EIF4E2: variants seen among roughly 807,000 people sequenced by gnomAD.
EIF4E2 encodes eukaryotic translation initiation factor 4E type 2.
EIF4E2 carries 13 observed loss-of-function variants against 34.2 expected under a neutral mutation model. The observed-to-expected ratio is 0.38, with a 90% CI of 0.25 to 0.60. EIF4E2 has a LOEUF of 0.60. Among genes scored for constraint, EIF4E2 ranks in the 20% least tolerant of loss-of-function variants. EIF4E2 has a pLI of 0.62. For synonymous variants in EIF4E2, 100 were observed against 106.6 expected (o/e 0.94, Z 0.38); for missense variants, 222 against 315.1 (o/e 0.70, Z 2.24).
At chr2:232,561,872 AT>A (rs199712096) in intron 3 of EIF4E2, among the ~76,000 whole-genome samples, 24 of 148,570 alleles carry the variant, frequency 1.6e-4, no homozygotes, top group South Asian at 2.1e-4. Flanking sequence ...GTGAATGCTT[AT>A]TTTTTTTTTT....
chr2:232,557,971 T>C lies in EIF4E2; in HGVS notation c.223T>C (p.Ser75Pro). 6.2e-7 allele frequency: 1 copy of C among 1,614,164 alleles called. No homozygotes were observed. The highest frequency in any genetic ancestry group is 1.3e-5 in the African/African-American group (1 of 75,034). Residue 75 changes from serine to proline, a missense_variant, in exon 3 of 7, where the codon TCA (serine) becomes CCA (proline). Physicochemically the swap from Ser to Pro is moderately conservative, Grantham distance 74. Around this residue, in one of 3 missense-constraint regions of EIF4E2, gnomAD observed 87 missense variants for 93.6 expected, o/e 0.93. Transcript: ENST00000258416. The part of the protein sequence containing the change: ...SRRTPGRPTS[S>P]QSYEQNIKQI... ...GAGAACCCCCGGCCGTCCCACGAGC[T>C]CACAGAGCTATGAACAGAATATCAA...
chr2:232,563,173 TC>T (rs1317339864), intron 3 of EIF4E2, among the ~76,000 whole-genome samples: 1 of 152,222 alleles, frequency 6.6e-6, no homozygotes, highest in Non-Finnish European at 1.5e-5. Context: ...ATTGGAATGT[TC>T]CGTGTTTTCT....
In EIF4E2 at chr2:232,566,162, C is replaced by CT. The variant is rs977784189; in HGVS notation, c.376-659dup. Among the ~76,000 whole-genome samples the CT allele has an allele frequency of 2.6e-5, 4 of 151,004 alleles. No homozygotes were observed. Among genetic ancestry groups the CT allele is most frequent in the African/African-American group, 4.9e-5 (2 of 41,184 alleles). On this transcript the variant is annotated intron_variant, in intron 4 of 6. Transcript: ENST00000258416. This position sits in a 1 kb window ranked among gnomAD's most constrained non-coding sequence, Gnocchi z 4.9. ...ACTTGGTATGTAGTGACAGTCAGTA[C>CT]TTTTTTTTGTCGTCGTTGTTGTTTT...
intron 6 of EIF4E2, chr2:232,567,651 T>TA: frequency 9.5e-7 from 1 of 1,047,300 alleles, no homozygotes; most frequent in Non-Finnish European, 1.1e-6. Context: ...ACTGACTACT[T>TA]ATCAGGAATG....
chr2:232,568,232 A>G, intron 6 of EIF4E2: 1 of 985,438 alleles, frequency 1.0e-6, no homozygotes, highest in Non-Finnish European at 1.2e-6. Flanking sequence ...TGTTCAGCAG[A>G]CAGACCATTT....
intron 6 of EIF4E2, chr2:232,580,879 A>T: frequency 6.5e-7 from 1 of 1,542,176 alleles, no homozygotes; most frequent in Non-Finnish European, 8.7e-7. Context: ...TGAACACTCT[A>T]TTTTCTCCCA....
At chr2:232,582,201 C>T (rs930860223) in exon 7 of EIF4E2, 1 of 152,670 alleles carries the variant, frequency 6.6e-6, no homozygotes, top group Non-Finnish European at 1.5e-5. Context: ...CACCGTCTTA[C>T]TTGGCTCTTG....
At position 232,557,986 on chromosome 2, in the gene EIF4E2, C is replaced by T. The variant is rs912300763; in HGVS notation, c.238C>T (p.Gln80Ter). The stretch of plus-strand genomic sequence containing the variant: ...TCCCACGAGCTCACAGAGCTATGAA[C>T]AGAATATCAAACAGATTGGCACCTT... ...GRPTSSQSYE[Q>*]NIKQIGTFAS... The change falls in exon 3 of 7, where the codon CAG becomes TAG. Residue 80 changes from glutamine to a stop codon, truncating the protein, a stop_gained. Transcript: ENST00000258416. LOFTEE classifies it high-confidence loss of function. 2 of 1,614,068 alleles carry T rather than the reference C, an allele frequency of 1.2e-6. No individual in the cohort carries two copies. The highest frequency in any genetic ancestry group is 1.7e-6 in the Non-Finnish European group (2 of 1,180,044).
intron 6 of EIF4E2, among the ~76,000 whole-genome samples, chr2:232,576,399 C>T (rs1052360349): frequency 1.3e-5 from 2 of 152,146 alleles, no homozygotes; most frequent in Non-Finnish European, 2.9e-5. Flanking sequence ...AACTCCCACC[C>T]CTCTTGGCAG....
chr2:232,575,095 C>T (rs1288816447), intron 6 of EIF4E2, among the ~76,000 whole-genome samples: 5 of 152,204 alleles, frequency 3.3e-5, no homozygotes, highest in Non-Finnish European at 7.3e-5. Context: ...TTTTCCTGGA[C>T]ATCAAACTAC....
At chr2:232,550,947 C>G in intron 1 of EIF4E2, 2 of 637,464 alleles carry the variant, frequency 3.1e-6, no homozygotes, top group Non-Finnish European at 5.4e-6. Flanking sequence ...CAGGGCCGTC[C>G]GAACCGAGGG....
At chr2:232,551,805 C>A (rs1475028133) in intron 1 of EIF4E2, among the ~76,000 whole-genome samples, 1 of 152,192 alleles carries the variant, frequency 6.6e-6, no homozygotes, top group African/African-American at 2.4e-5. Context: ...ACAGAGAGTA[C>A]TGTGCAAATT....
chr2:232,557,058 A>G (rs913472782), intron 2 of EIF4E2, among the ~76,000 whole-genome samples: 1 of 152,220 alleles, frequency 6.6e-6, no homozygotes, highest in African/African-American at 2.4e-5. Context: ...CATCCTGGCC[A>G]ACATGGTAAA....
intron 6 of EIF4E2, 191 bp downstream of exon 6, chr2:232,567,405 C>A: frequency 7.1e-7 from 1 of 1,404,420 alleles, no homozygotes; most frequent in Non-Finnish European, 9.2e-7. Context: ...CCTATACTAC[C>A]AGGTGCTTTG....
In EIF4E2 at chr2:232,556,534, A is replaced by G. The variant is rs1692530513; in HGVS notation, c.135+4A>G. 3 of 1,600,034 alleles carry G rather than the reference A, an allele frequency of 1.9e-6. No homozygotes were observed. In the East Asian group the frequency reaches 6.7e-5, roughly 36 times the overall value. ...TCAGAGCAGTAGCAAGAGAAAGGTG[A>G]GTGTTGGCTGCACAGATGTAGTTGC... On this transcript the variant is annotated splice_donor_region_variant and intron_variant, in intron 2 of 6. Coordinates refer to ENST00000258416, the MANE Select transcript of EIF4E2 (RefSeq NM_004846.4).
rs144298701 is a variant in EIF4E2, at chr2:232,563,378, T to C, written c.271-869T>C. 1.5e-3 allele frequency among the ~76,000 whole-genome samples: 220 copies of C among 146,748 alleles called. 1 individual carries two copies. Among genetic ancestry groups the C allele is most frequent in the Non-Finnish European group, 1.6e-3 (106 of 67,138 alleles). On this transcript the variant is annotated intron_variant, in intron 3 of 6. Transcript: ENST00000258416. Reference sequence around the variant, plus strand: ...TATGATCATACTGCTGCGTAGACCCTGTCTCTTTTTTTTTTCTTTTTTTTT... The same window carrying C: ...TATGATCATACTGCTGCGTAGACCCCGTCTCTTTTTTTTTTCTTTTTTTTT...
In EIF4E2 at chr2:232,566,341, C is replaced by A. The variant is rs1054698628; in HGVS notation, c.376-488C>A. Among the ~76,000 whole-genome samples, 1 of 152,122 alleles carries A rather than the reference C, an allele frequency of 6.6e-6. No homozygotes were observed. The highest frequency in any genetic ancestry group is 1.5e-5 in the Non-Finnish European group (1 of 68,016). ...AGCTGGGACTACAGGCGCCCACCAC[C>A]ATGCCCGGCTAATTTTGTTTTTGTA... On this transcript the variant is annotated intron_variant, in intron 4 of 6. Transcript: ENST00000258416. This position sits in a 1 kb window ranked among gnomAD's most constrained non-coding sequence, Gnocchi z 4.9.
downstream of EIF4E2, among the ~76,000 whole-genome samples, chr2:232,571,566 C>T (rs1229294585): frequency 6.6e-6 from 1 of 152,162 alleles, no homozygotes; most frequent in Non-Finnish European, 1.5e-5. Context: ...GAAAACAGGC[C>T]AAATTCCCAT....
At chr2:232,570,666 C>G (rs540584704), downstream of EIF4E2, among the ~76,000 whole-genome samples, 55 of 152,302 alleles carry the variant, frequency 3.6e-4, no homozygotes, top group South Asian at 0.011. Flanking sequence ...CCAAGGAGGC[C>G]GGGCGAGGTG....
Sources: gnomAD v4.1 joint callset for allele counts (sites outside exome capture counted in the v4.1 genomes callset) on GRCh38, gnomAD v4.1.1 for gene constraint, gnomAD v4.1.1 regional missense constraint, Gnocchi (gnomAD v3.1) non-coding constraint, MANE v1.5 for transcripts, NCBI Gene and HGNC (gene_info 2026-07-23, HGNC 2026-07-21) for gene names.